The following APLP2 variants were observed in gnomAD, a reference collection of about 807,000 sequenced individuals.
APLP2 encodes the protein amyloid beta precursor like protein 2, also known as CDEI box-binding protein.
In APLP2, 53 loss-of-function variants were observed where a neutral mutation model predicts 89.9. That is an observed-to-expected ratio of 0.59 (90% CI 0.47 to 0.74). APLP2 has a LOEUF of 0.74. Among genes scored for constraint, APLP2 ranks in the 30% least tolerant of loss-of-function variants. APLP2 has a pLI of 0.00. For missense variants in APLP2, 973 were observed against 975.9 expected, an observed-to-expected ratio of 1.00 and a Z score of 0.04; for synonymous variants, 372 against 348.6, an observed-to-expected ratio of 1.07 and a Z score of -0.75.
Position 130,144,526 on chromosome 11 carries a change from C to T in APLP2, c.*1078C>T, listed in dbSNP as rs1253628871. The T allele has an allele frequency of 6.6e-6, 1 of 152,392 alleles. No homozygotes were observed. The highest frequency in any genetic ancestry group is 2.1e-4 in the South Asian group (1 of 4,834). 9.4% of individuals were successfully genotyped at this position (152,392 alleles called of 1,614,324 possible). A position where few individuals can be genotyped will look rare whatever the true frequency, so the allele number is the denominator to read the frequency against. On this transcript the variant is annotated 3_prime_UTR_variant, in exon 17 of 17. Coordinates refer to ENST00000338167, the MANE Select transcript of APLP2 (RefSeq NM_001142276.2). ...GGAAAGCTTTGAACAATTGTGTTTT[C>T]GTCACAGGAGTCTTTGTAATGCTTG...
rs764619369 is a variant in APLP2 at position 130,135,711 on chromosome 11, C to T, written c.1833C>T (p.Asn611=). 3.1e-6 allele frequency: 5 copies of T among 1,614,008 alleles called. No individual in the cohort carries two copies. The highest frequency in any genetic ancestry group is 1.1e-5 in the South Asian group (1 of 91,080). ...PFHPFPALPE[N]EGSGVGEQDG... is the part of the protein sequence containing the mutation. Reference sequence around the variant, plus strand: ...ACCCCTTCCCAGCCCTACCTGAGAACGAAGGTGTGTATGGGCGACGGTGCC... The same window carrying T: ...ACCCCTTCCCAGCCCTACCTGAGAATGAAGGTGTGTATGGGCGACGGTGCC... Residue 611 remains asparagine, a synonymous_variant, in exon 13 of 17, where the codon AAC becomes AAT. Transcript: ENST00000338167.
chr11:130,070,715 C>T (rs1940849104), intron 1 of APLP2: 7 of 1,476,874 alleles, frequency 4.7e-6, no homozygotes, highest in South Asian at 2.6e-5. Context: ...GCGCTGTTTG[C>T]CTGCGTCCGT....
chr11:130,070,145 G>C (rs1431584583), intron 1 of APLP2, 63 bp downstream of exon 1: 11 of 1,150,850 alleles, frequency 9.6e-6, no homozygotes, highest in African/African-American at 3.3e-5. Context: ...GCGGACTGCG[G>C]GCGGGCAGCG....
chr11:130,114,000 T>C (rs1483483775), intron 3 of APLP2, among the ~76,000 whole-genome samples: 1 of 152,172 alleles, frequency 6.6e-6, no homozygotes, highest in Non-Finnish European at 1.5e-5. Flanking sequence ...AAGGCAAACA[T>C]GGTATCCTTA....
chr11:130,070,574 G>A, intron 1 of APLP2: 2 of 1,303,804 alleles, frequency 1.5e-6, no homozygotes, highest in Non-Finnish European at 1.9e-6. Flanking sequence ...CGCCTTTGTT[G>A]CCAGGTGGAC....
intron 1 of APLP2, chr11:130,101,354 A>ATTTT (rs60974114): frequency 6.3e-4 from 89 of 142,132 alleles, no homozygotes; most frequent in Middle Eastern, 3.8e-3. Flanking sequence ...AATTTTTTGT[A>ATTTT]TTTTTTTTTT....
At chr11:130,121,994 T>A (rs567940481) in intron 5 of APLP2, among the ~76,000 whole-genome samples, 184 bp downstream of exon 5, 1 of 152,194 alleles carries the variant, frequency 6.6e-6, no homozygotes, top group Admixed American at 6.5e-5. Flanking sequence ...GTGATTTTTG[T>A]GTTTACATCA....
At chr11:130,129,905 C>T (rs1022598375) in intron 10 of APLP2, 133 bp from the exon 11 acceptor site, 1 of 1,037,848 alleles carries the variant, frequency 9.6e-7, no homozygotes, top group Admixed American at 2.4e-5. Context: ...CTAAAAAAGC[C>T]TTCCAGTTAC....
Position 130,135,659 on chromosome 11 carries a change from A to G in APLP2, c.1781A>G (p.Glu594Gly). ...GTCCGGGTGAGCTCTGAGGAGAGTG[A>G]GGAGATCCCACCGTTCCACCCCTTC... is the stretch of plus-strand genomic sequence containing the variant. ...VDVRVSSEES[E>G]EIPPFHPFHP... is the part of the protein sequence containing the mutation. The change falls in exon 13 of 17, where the codon GAG becomes GGG. Residue 594 changes from glutamate (E) to glycine (G), a missense_variant. Physicochemically the swap from Glu to Gly is moderately conservative, Grantham distance 98. Coordinates refer to ENST00000338167, the MANE Select transcript of APLP2 (RefSeq NM_001142276.2). 1.9e-6 allele frequency: 3 copies of G among 1,614,134 alleles called. No individual in the cohort carries two copies. Among genetic ancestry groups the G allele is most frequent in the East Asian group, 2.2e-5 (1 of 44,882 alleles).
chr11:130,134,090 C>T (rs1394762795), intron 12 of APLP2, among the ~76,000 whole-genome samples: 1 of 152,238 alleles, frequency 6.6e-6, no homozygotes, highest in African/African-American at 2.4e-5. Context: ...CTCCTCCTCT[C>T]CCGGTCTTTA....
At position 130,141,506 on chromosome 11, in the gene APLP2, C is replaced by G. The variant is rs543701438; in HGVS notation, c.1932C>G (p.Asp644Glu). The G allele has an allele frequency of 5.0e-6, 8 of 1,613,802 alleles. No individual in the cohort carries two copies. Among genetic ancestry groups the G allele is most frequent in the Non-Finnish European group, 6.8e-6 (8 of 1,179,852 alleles). Residue 644 changes from aspartate to glutamate, a missense_variant, in exon 15 of 17, where the codon GAC (aspartate) becomes GAG (glutamate). Asp to Glu is a conservative substitution (Grantham distance 45). Transcript: ENST00000338167. This position sits in a 1 kb window ranked among gnomAD's most constrained non-coding sequence, Gnocchi z 4.2. ...TCTCATGACTGTTTCAGGTCATTGA[C>G]GAGACTCTGGATGTTAAGGAAATGA... ...KNKVDENMVIDETLDVKEMIF... is the reference protein window; with the variant it reads ...KNKVDENMVIEETLDVKEMIF...
intron 1 of APLP2, among the ~76,000 whole-genome samples, chr11:130,107,220 T>G (rs1947904301): frequency 6.6e-6 from 1 of 152,204 alleles, no homozygotes; most frequent in Non-Finnish European, 1.5e-5. Context: ...TATTGGAATT[T>G]TAGTAATTCT....
intron 1 of APLP2, chr11:130,070,587 G>A (rs1940798327): frequency 6.8e-6 from 9 of 1,316,886 alleles, no homozygotes; most frequent in Non-Finnish European, 7.7e-6. Flanking sequence ...AGGTGGACGC[G>A]GCCCCGGCCT....
rs532085070 is a variant in APLP2 at position 130,090,772 on chromosome 11, C to T, written c.106-18657C>T. Among the ~76,000 whole-genome samples, 132 of 152,294 alleles carry T rather than the reference C, an allele frequency of 8.7e-4. No homozygotes were observed. In the East Asian group the frequency reaches 0.013, roughly 15 times the overall value. The stretch of plus-strand genomic sequence containing the variant: ...TCATCCTGGCCCGCTCTCAATGAGC[C>T]GTTGGGCACACCTCCCAGACGGGGT... On this transcript the variant is annotated intron_variant, in intron 1 of 16. Transcript: ENST00000338167.
intron 13 of APLP2, among the ~76,000 whole-genome samples, chr11:130,138,048 C>A (rs1246767598): frequency 6.6e-6 from 1 of 152,178 alleles, no homozygotes; most frequent in African/African-American, 2.4e-5. Flanking sequence ...GATTTGAACC[C>A]AGTTCTCTGT....
intron 8 of APLP2, 136 bp downstream of exon 8, chr11:130,126,966 C>T (rs1411403796): frequency 8.6e-7 from 1 of 1,167,336 alleles, no homozygotes; most frequent in South Asian, 1.6e-5. Context: ...GAGAGAGTTA[C>T]CAGTGGAGCT....
intron 12 of APLP2, among the ~76,000 whole-genome samples, chr11:130,134,126 T>C (rs1421923256): frequency 6.6e-6 from 1 of 152,228 alleles, no homozygotes; most frequent in Non-Finnish European, 1.5e-5. Flanking sequence ...CAACAAGTTT[T>C]ATTATGGCTG....
chr11:130,094,638 TTA>T (rs1945943697), intron 1 of APLP2, among the ~76,000 whole-genome samples: 1 of 152,240 alleles, frequency 6.6e-6, no homozygotes, highest in Non-Finnish European at 1.5e-5. Flanking sequence ...TTCATCCAAA[TTA>T]TTGACAAGAC....
intron 1 of APLP2, among the ~76,000 whole-genome samples, chr11:130,087,522 C>A (rs1032631543): frequency 6.6e-6 from 1 of 152,146 alleles, no homozygotes; most frequent in Non-Finnish European, 1.5e-5. Flanking sequence ...TTGGTCTTAC[C>A]CTCTAGCTCC....
Sources: gnomAD v4.1 joint callset for allele counts (sites outside exome capture counted in the v4.1 genomes callset) on GRCh38, gnomAD v4.1.1 for gene constraint, Gnocchi (gnomAD v3.1) non-coding constraint, MANE v1.5 for transcripts, NCBI Gene and HGNC (gene_info 2026-07-23, HGNC 2026-07-21) for gene names.